The following GREM2 variants were observed in gnomAD, a reference collection of about 807,000 sequenced individuals.
The protein encoded by GREM2 is gremlin-2.
A neutral mutation model predicts 14.2 loss-of-function variants in GREM2; 11 were observed. The observed-to-expected ratio is 0.78, with a 90% CI of 0.49 to 1.28. GREM2 has a LOEUF of 1.28. Among genes scored for constraint, GREM2 ranks in the 50% most tolerant of loss-of-function variants. The pLI, the probability that GREM2 is intolerant of heterozygous loss-of-function variation, is 0.00. For synonymous variants in GREM2, 98 were observed against 97.6 expected (o/e 1.00, Z -0.02); for missense variants, 210 against 218.5 (o/e 0.96, Z 0.24).
At chr1:240,505,486 A>T (rs1163804322) in intron 1 of GREM2, among the ~76,000 whole-genome samples, 2 of 152,170 alleles carry the variant, frequency 1.3e-5, no homozygotes, top group Non-Finnish European at 2.9e-5. Context: ...TCTATTTAAG[A>T]GATGAAAATA....
chr1:240,549,163 C>A (rs1280459480), intron 1 of GREM2, among the ~76,000 whole-genome samples: 4 of 151,914 alleles, frequency 2.6e-5, no homozygotes, highest in African/African-American at 9.7e-5. Flanking sequence ...TGGAGAAACC[C>A]CATCTCTACT....
In GREM2 at chr1:240,540,419, CA is replaced by C. The variant is rs1400894079; in HGVS notation, c.-1-46944del. Reference sequence around the variant, plus strand: ...ACCAAGAAAACAAACAAAACAGGATCAGGGGATTTGTCCTTGAATGGGCTGT... The same window carrying C: ...ACCAAGAAAACAAACAAAACAGGATCGGGGATTTGTCCTTGAATGGGCTGT... On this transcript the variant is annotated intron_variant, in intron 1 of 1. Coordinates refer to ENST00000318160, the MANE Select transcript of GREM2 (RefSeq NM_022469.4). This position sits in a 1 kb window ranked among gnomAD's most constrained non-coding sequence, Gnocchi z 4.2. 6.6e-6 allele frequency among the ~76,000 whole-genome samples: 1 copy of C among 152,120 alleles called. No homozygotes were observed. Among genetic ancestry groups the C allele is most frequent in the Non-Finnish European group, 1.5e-5 (1 of 68,014 alleles).
intron 1 of GREM2, among the ~76,000 whole-genome samples, chr1:240,529,537 C>T (rs539448774): frequency 3.4e-4 from 52 of 151,766 alleles, no homozygotes; most frequent in African/African-American, 1.1e-3. Context: ...ACATATCTGA[C>T]GTATCTGTTA....
chr1:240,597,868 T>A (rs542484450), intron 1 of GREM2, among the ~76,000 whole-genome samples: 7 of 152,212 alleles, frequency 4.6e-5, no homozygotes, highest in Non-Finnish European at 4.4e-5. Flanking sequence ...TCTAAGCAAC[T>A]ACCCTCTGCC....
In GREM2 at chr1:240,498,367, C is replaced by T. The variant is rs2065832; in HGVS notation, c.-1-4891G>A. Reference sequence around the variant, plus strand: ...CTTTCCTACATCTCATTTCTTTTCTCCTTCACACATAGCAATAGTAAGATG... The same window carrying T: ...CTTTCCTACATCTCATTTCTTTTCTTCTTCACACATAGCAATAGTAAGATG... On this transcript the variant is annotated intron_variant, in intron 1 of 1. Transcript: ENST00000318160. Among the ~76,000 whole-genome samples the T allele has an allele frequency of 4.1e-3, 626 of 152,238 alleles. 3 individuals are homozygous for T. The highest frequency in any genetic ancestry group is 0.014 in the African/African-American group (591 of 41,528).
At chr1:240,535,134 A>G (rs1043048568) in intron 1 of GREM2, among the ~76,000 whole-genome samples, 13 of 152,304 alleles carry the variant, frequency 8.5e-5, no homozygotes, top group African/African-American at 2.6e-4. Flanking sequence ...AAAGACAATA[A>G]TAATAAAATT....
intron 1 of GREM2, among the ~76,000 whole-genome samples, chr1:240,521,928 A>C (rs971983289): frequency 1.3e-5 from 2 of 151,984 alleles, no homozygotes; most frequent in South Asian, 4.2e-4. Context: ...CCTGAACAAC[A>C]TGGTGAAACC....
chr1:240,500,832 TA>T (rs1402198205), intron 1 of GREM2, among the ~76,000 whole-genome samples: 1 of 152,206 alleles, frequency 6.6e-6, no homozygotes, highest in African/African-American at 2.4e-5. Context: ...TGTGTTTATT[TA>T]TGCCCATCTG....
intron 1 of GREM2, among the ~76,000 whole-genome samples, chr1:240,559,677 T>C (rs899736392): frequency 2.0e-5 from 3 of 152,176 alleles, no homozygotes; most frequent in Non-Finnish European, 4.4e-5. Flanking sequence ...GCTGACAAAT[T>C]ACTGGTGGCA....
chr1:240,575,594 C>A (rs553833898), intron 1 of GREM2, among the ~76,000 whole-genome samples: 1 of 151,696 alleles, frequency 6.6e-6, no homozygotes, highest in Non-Finnish European at 1.5e-5. Context: ...GATCTTGGCT[C>A]ACTGCAATCT....
intron 1 of GREM2, among the ~76,000 whole-genome samples, chr1:240,499,746 G>T (rs908755184): frequency 2.6e-5 from 4 of 152,162 alleles, no homozygotes; most frequent in Non-Finnish European, 4.4e-5. Context: ...GCAAACTATG[G>T]CCCACAGGCC....
intron 1 of GREM2, among the ~76,000 whole-genome samples, chr1:240,520,722 T>C (rs1404327307): frequency 6.6e-6 from 1 of 152,004 alleles, no homozygotes; most frequent in African/African-American, 2.4e-5. Context: ...TTTGTATTTT[T>C]AGTAGAGACG....
At chr1:240,531,335 T>A (rs985733336) in intron 1 of GREM2, among the ~76,000 whole-genome samples, 3 of 152,216 alleles carry the variant, frequency 2.0e-5, no homozygotes, top group Non-Finnish European at 4.4e-5. Flanking sequence ...ATTACAACTT[T>A]AAATTTTTCT....
intron 1 of GREM2, among the ~76,000 whole-genome samples, chr1:240,585,529 A>G (rs1158927644): frequency 2.0e-5 from 3 of 152,000 alleles, no homozygotes; most frequent in Non-Finnish European, 4.4e-5. Flanking sequence ...CTGGAGTTCG[A>G]GACCAGCTTG....
intron 1 of GREM2, among the ~76,000 whole-genome samples, chr1:240,593,620 C>T (rs2102865872): frequency 1.3e-5 from 2 of 152,326 alleles, no homozygotes; most frequent in Middle Eastern, 6.8e-3. Flanking sequence ...AGTACCATTA[C>T]TGTTACTCAT....
chr1:240,560,189 C>T (rs967473372), intron 1 of GREM2, among the ~76,000 whole-genome samples: 4 of 151,916 alleles, frequency 2.6e-5, no homozygotes, highest in African/African-American at 9.7e-5. Context: ...GAATTTTTAC[C>T]GCTGTATGGA....
At chr1:240,585,728 TCAAAAAAAAAAAAA>T (rs1679585565) in intron 1 of GREM2, among the ~76,000 whole-genome samples, 1 of 48,498 alleles carries the variant, frequency 2.1e-5, no homozygotes, top group African/African-American at 9.7e-5. Flanking sequence ...AGACTCCATC[TCAAAAAAAAAAAAA>T]AAAAAAAAAA....
chr1:240,498,607 C>T (rs953911227), intron 1 of GREM2, among the ~76,000 whole-genome samples: 3 of 152,150 alleles, frequency 2.0e-5, no homozygotes, highest in Non-Finnish European at 4.4e-5. Context: ...TCTGTCCGTT[C>T]GCTCATCATC....
chr1:240,516,218 C>T (rs150945348), intron 1 of GREM2, among the ~76,000 whole-genome samples: 58 of 151,766 alleles, frequency 3.8e-4, no homozygotes, highest in African/African-American at 1.4e-3. Flanking sequence ...ACCTCAGTAT[C>T]CCCAGTAGGT....
Sources: gnomAD v4.1 joint callset for allele counts (sites outside exome capture counted in the v4.1 genomes callset) on GRCh38, gnomAD v4.1.1 for gene constraint, Gnocchi (gnomAD v3.1) non-coding constraint, MANE v1.5 for transcripts, NCBI Gene and HGNC (gene_info 2026-07-23, HGNC 2026-07-21) for gene names.